The following PACS1 variants were observed in gnomAD, a reference collection of about 807,000 sequenced individuals.
PACS1 encodes PACS-1.
In PACS1, 24 loss-of-function variants were observed where a neutral mutation model predicts 115.0. The ratio of observed to expected loss-of-function variants is 0.21; its 90% CI spans 0.15 to 0.29. The LOEUF (loss-of-function observed/expected upper bound fraction) is 0.29, where lower values mean the gene tolerates loss of function less well. Among genes scored for constraint, PACS1 ranks in the 10% least tolerant of loss-of-function variants. The pLI is 1.00. For missense variants in PACS1, 838 were observed against 1,251.2 expected (o/e 0.67, Z 4.98); for synonymous variants, 453 against 504.5 (o/e 0.90, Z 1.37).
At chr11:66,100,429 C>T (rs1857890578) in intron 1 of PACS1, among the ~76,000 whole-genome samples, 1 of 152,162 alleles carries the variant, frequency 6.6e-6, no homozygotes, top group Non-Finnish European at 1.5e-5. Context: ...ACCCCTGCCT[C>T]AGCACCCTGC....
chr11:66,230,335 C>T (rs1855562812), intron 11 of PACS1: 1 of 568,786 alleles, frequency 1.8e-6, no homozygotes, highest in African/African-American at 1.9e-5. Flanking sequence ...TGGATTGCAG[C>T]ATATGGTGCC....
At chr11:66,130,276 T>C (rs898928238) in intron 1 of PACS1, among the ~76,000 whole-genome samples, 3 of 151,948 alleles carry the variant, frequency 2.0e-5, no homozygotes, top group Admixed American at 2.0e-4. Flanking sequence ...CCCTCCCCTC[T>C]AGCCCCCTTC....
intron 1 of PACS1, among the ~76,000 whole-genome samples, chr11:66,103,372 C>T (rs1245332368): frequency 6.6e-6 from 1 of 152,000 alleles, no homozygotes; most frequent in Non-Finnish European, 1.5e-5. Flanking sequence ...ATCTTGGTAT[C>T]TACAGCTCAC....
intron 1 of PACS1, among the ~76,000 whole-genome samples, chr11:66,107,585 T>C (rs1273085562): frequency 2.0e-5 from 3 of 152,194 alleles, no homozygotes; most frequent in African/African-American, 7.2e-5. Context: ...ATTTGTTGAA[T>C]GAATGAAATG....
At chr11:66,217,717 G>A in intron 7 of PACS1, 1 of 421,888 alleles carries the variant, frequency 2.4e-6, no homozygotes, top group Non-Finnish European at 4.8e-6. Context: ...CTCAATTGGT[G>A]CTCCAAATGG....
chr11:66,142,729 G>A (rs1355488144), intron 1 of PACS1, among the ~76,000 whole-genome samples: 1 of 151,366 alleles, frequency 6.6e-6, no homozygotes, highest in East Asian at 1.9e-4. Context: ...AAGAAGGTTT[G>A]TGACCAGCAT....
At chr11:66,116,484 A>G (rs914929110) in intron 1 of PACS1, among the ~76,000 whole-genome samples, 1 of 152,248 alleles carries the variant, frequency 6.6e-6, no homozygotes, top group Non-Finnish European at 1.5e-5. Context: ...TGAGACATAA[A>G]GTTCATTTAA....
At chr11:66,186,919 C>T (rs1854389324) in intron 1 of PACS1, among the ~76,000 whole-genome samples, 1 of 152,212 alleles carries the variant, frequency 6.6e-6, no homozygotes, top group Non-Finnish European at 1.5e-5. Context: ...CCTCCACCTG[C>T]CTTGGTCACT....
intron 1 of PACS1, among the ~76,000 whole-genome samples, chr11:66,146,295 T>C (rs951962329): frequency 1.3e-5 from 2 of 152,196 alleles, no homozygotes; most frequent in Non-Finnish European, 2.9e-5. Flanking sequence ...AAACTATGCA[T>C]GTCATGTTTA....
At chr11:66,215,944 TAATAATAAAC>T (rs1469697591) in intron 4 of PACS1, among the ~76,000 whole-genome samples, 165 bp from the exon 5 acceptor site, 62 of 142,570 alleles carry the variant, frequency 4.3e-4, no homozygotes, top group African/African-American at 1.4e-3. Context: ...ATAATAATAA[TAATAATAAAC>T]AAAGTAAGAC....
At chr11:66,130,751 C>T (rs561070675) in intron 1 of PACS1, among the ~76,000 whole-genome samples, 1 of 152,256 alleles carries the variant, frequency 6.6e-6, no homozygotes, top group East Asian at 1.9e-4. Flanking sequence ...AAGTGACAGA[C>T]ACCTTATTTG....
At chr11:66,074,948 T>G (rs1432970348) in intron 1 of PACS1, among the ~76,000 whole-genome samples, 1 of 141,330 alleles carries the variant, frequency 7.1e-6, no homozygotes, top group East Asian at 2.0e-4. Context: ...GGTGTTTTTT[T>G]TTTTTTTTTT....
chr11:66,152,820 G>T (rs1283790559), intron 1 of PACS1, among the ~76,000 whole-genome samples: 1 of 152,180 alleles, frequency 6.6e-6, no homozygotes, highest in East Asian at 1.9e-4. Context: ...AGAAATGAAG[G>T]AGGCCAGAAG....
intron 1 of PACS1, among the ~76,000 whole-genome samples, chr11:66,130,074 C>T (rs1309160794): frequency 6.6e-6 from 1 of 152,198 alleles, no homozygotes; most frequent in Non-Finnish European, 1.5e-5. Flanking sequence ...GTATTCTTTG[C>T]ACCATCCCCC....
At chr11:66,165,641 T>A (rs1295104984) in intron 1 of PACS1, among the ~76,000 whole-genome samples, 1 of 152,148 alleles carries the variant, frequency 6.6e-6, no homozygotes, top group South Asian at 2.1e-4. Context: ...AGCACCACCA[T>A]CCATCCACCC....
chr11:66,081,431 A>G (rs1333151480), intron 1 of PACS1, among the ~76,000 whole-genome samples: 1 of 151,838 alleles, frequency 6.6e-6, no homozygotes, highest in Non-Finnish European at 1.5e-5. Context: ...CCCCCCAACC[A>G]AAACAAAACA....
chr11:66,070,650 C>T lies in PACS1; in HGVS notation c.164C>T (p.Ser55Leu), dbSNP rs1857291736. 2 of 1,562,576 alleles carry T rather than the reference C, an allele frequency of 1.3e-6. No homozygotes were observed. Among genetic ancestry groups the T allele is most frequent in the South Asian group, 1.1e-5 (1 of 87,136 alleles). The change falls in exon 1 of 24, where the codon TCG (serine) becomes TTG (leucine). Residue 55 changes from serine to leucine, a missense_variant. Around this residue, in one of 6 missense-constraint regions of PACS1, gnomAD observed 129 missense variants for 109.4 expected, o/e 1.18. Coordinates refer to ENST00000320580, the MANE Select transcript of PACS1 (RefSeq NM_018026.4). The surrounding 1 kb of genome is among the most constrained non-coding windows in gnomAD (Gnocchi z 5.9). Reference protein sequence around the residue: ...PTPPKLAQATSSSSSTSAAAA... With the variant: ...PTPPKLAQATLSSSSTSAAAA... Reference sequence around the variant, plus strand: ...CCCCCCAAGCTGGCCCAGGCCACCTCGTCGTCCTCGTCCACCTCGGCGGCG... The same window carrying T: ...CCCCCCAAGCTGGCCCAGGCCACCTTGTCGTCCTCGTCCACCTCGGCGGCG...
rs141742302 is a variant in PACS1, at chr11:66,201,048, G to A, written c.444+7475G>A. Among the ~76,000 whole-genome samples, 742 of 152,076 alleles carry A rather than the reference G, an allele frequency of 4.9e-3. 6 individuals are homozygous for A. Among genetic ancestry groups the A allele is most frequent in the African/African-American group, 0.016 (650 of 41,472 alleles). ...ATCCTGGCCAAAATGGTGACAGCCC[G>A]TCTGCCCTAAAAATACAAAAATTAG... On this transcript the variant is annotated intron_variant, in intron 2 of 23. Coordinates refer to ENST00000320580, the MANE Select transcript of PACS1 (RefSeq NM_018026.4).
chr11:66,105,124 T>G (rs2134535679), intron 1 of PACS1, among the ~76,000 whole-genome samples: 1 of 152,150 alleles, frequency 6.6e-6, no homozygotes, highest in African/African-American at 2.4e-5. Flanking sequence ...TAAGCAGCAG[T>G]TAAAACTAGT....
Sources: gnomAD v4.1 joint callset for allele counts (sites outside exome capture counted in the v4.1 genomes callset) on GRCh38, gnomAD v4.1.1 for gene constraint, gnomAD v4.1.1 regional missense constraint, Gnocchi (gnomAD v3.1) non-coding constraint, MANE v1.5 for transcripts, NCBI Gene and HGNC (gene_info 2026-07-23, HGNC 2026-07-21) for gene names.